ALDH1A2: variants seen among roughly 807,000 people sequenced by gnomAD.
ALDH1A2 encodes the protein retinal dehydrogenase 2.
Under a neutral mutation model 60.3 loss-of-function variants are expected in ALDH1A2, and 27 were observed. The ratio of observed to expected loss-of-function variants is 0.45; its 90% CI spans 0.33 to 0.62. The LOEUF (loss-of-function observed/expected upper bound fraction) is 0.62, where lower values mean the gene tolerates loss of function less well. Among genes scored for constraint, ALDH1A2 ranks in the 20% least tolerant of loss-of-function variants. The pLI, the probability that ALDH1A2 is intolerant of heterozygous loss-of-function variation, is 0.02. For missense variants in ALDH1A2, 581 were observed against 643.8 expected (o/e 0.90, Z 1.06); for synonymous variants, 289 against 232.4 (o/e 1.24, Z -2.21).
intron 1 of ALDH1A2, among the ~76,000 whole-genome samples, chr15:58,026,250 C>T (rs1436494509): frequency 3.9e-5 from 6 of 152,106 alleles, no homozygotes; most frequent in African/African-American, 1.4e-4. Context: ...AGGATTTTTA[C>T]CAGGAATGCA....
chr15:58,065,347 C>G, intron 1 of ALDH1A2, 187 bp downstream of exon 1: 1 of 676,144 alleles, frequency 1.5e-6, no homozygotes. Flanking sequence ...CGTCCTCAGA[C>G]CACGGCGGGG....
In ALDH1A2 at chr15:58,033,682, C is replaced by CT. The variant is rs5812918; in HGVS notation, c.118-19402dup. Among the ~76,000 whole-genome samples, 638 of 134,506 alleles carry CT rather than the reference C, an allele frequency of 4.7e-3. 1 individual carries two copies. The highest frequency in any genetic ancestry group is 9.6e-3 in the African/African-American group (353 of 36,786). The allele number at this position is 134,506 out of a possible 152,430, so 88.2% of individuals were successfully genotyped here. A position where few individuals can be genotyped will look rare whatever the true frequency, so the allele number is the denominator to read the frequency against. ...AAGTTGTAAGTTCAGTGTTAGGACT[C>CT]TTTTTTTTTTTTTTTTTACATGTGA... is the stretch of plus-strand genomic sequence containing the variant. On this transcript the variant is annotated intron_variant, in intron 1 of 12. Transcript: ENST00000249750.
intron 7 of ALDH1A2, among the ~76,000 whole-genome samples, chr15:57,968,290 T>C (rs1467085831): frequency 6.6e-6 from 1 of 152,178 alleles, no homozygotes; most frequent in Non-Finnish European, 1.5e-5. Context: ...CATTTAAGCC[T>C]CTCAAAAAAC....
Position 58,014,018 on chromosome 15 carries a change from A to T in ALDH1A2, c.223-20T>A, listed in dbSNP as rs1442932297. ...ATCTGCCTGTTAGAGAGGAAGAGGC[A>T]CAACTGAAGAAAAACACTCCAAATA... On this transcript the variant is annotated intron_variant, in intron 2 of 12. Transcript: ENST00000249750. 5.0e-6 allele frequency: 8 copies of T among 1,614,150 alleles called. No individual in the cohort carries two copies. Among genetic ancestry groups the T allele is most frequent in the Non-Finnish European group, 6.8e-6 (8 of 1,179,986 alleles).
chr15:57,994,670 AGAAAC>A (rs753815798), intron 5 of ALDH1A2, among the ~76,000 whole-genome samples: 4 of 152,212 alleles, frequency 2.6e-5, no homozygotes, highest in Non-Finnish European at 5.9e-5. Flanking sequence ...TCTTGAGAAA[AGAAAC>A]AGTGGGAAAG....
chr15:57,982,390 A>T (rs1198997413), intron 7 of ALDH1A2, among the ~76,000 whole-genome samples: 3 of 152,220 alleles, frequency 2.0e-5, no homozygotes, highest in Non-Finnish European at 4.4e-5. Context: ...TATGTTCAAA[A>T]CTTACTGAAA....
At chr15:57,964,607 G>A (rs1347950142) in intron 8 of ALDH1A2, 3 of 156,592 alleles carry the variant, frequency 1.9e-5, no homozygotes, top group African/African-American at 7.2e-5. Context: ...AGGGCCTTGG[G>A]GCTGTATGTT....
Position 57,961,124 on chromosome 15 carries a change from ACT to A in ALDH1A2, c.1409+11_1409+12del, listed in dbSNP as rs771786299. On this transcript the variant is annotated intron_variant, in intron 11 of 12. Coordinates refer to ENST00000249750, the MANE Select transcript of ALDH1A2 (RefSeq NM_003888.4). ...ACCAGTGGAATTTGTTACAAGACTG[ACT>A]CTGATCTTACCAAACAGTCCCAGCT... is the stretch of plus-strand genomic sequence containing the variant. 16 of 1,613,708 alleles carry A rather than the reference ACT, an allele frequency of 9.9e-6. No homozygotes were observed. In the African/African-American group the frequency reaches 1.1e-4, roughly 11 times the overall value.
At chr15:57,989,788 C>T (rs1489777124) in intron 7 of ALDH1A2, among the ~76,000 whole-genome samples, 1 of 152,030 alleles carries the variant, frequency 6.6e-6, no homozygotes, top group South Asian at 2.1e-4. Flanking sequence ...AAACAAACAA[C>T]CCTCACCTTT....
chr15:57,976,711 G>T (rs1421070756), intron 7 of ALDH1A2, among the ~76,000 whole-genome samples: 2 of 152,178 alleles, frequency 1.3e-5, no homozygotes, highest in African/African-American at 4.8e-5. Flanking sequence ...TGTGAATAGT[G>T]CTGCAATAAA....
Position 58,029,245 on chromosome 15 carries a change from CA to C in ALDH1A2, c.118-14965del, listed in dbSNP as rs1225057593. ...TAGAACTCAGGGTAAGAAACTCACT[CA>C]AAACCGCATAACTACATGGAAACTG... On this transcript the variant is annotated intron_variant, in intron 1 of 12. Coordinates refer to ENST00000249750, the MANE Select transcript of ALDH1A2 (RefSeq NM_003888.4). Among the ~76,000 whole-genome samples, 4 of 152,164 alleles carry C rather than the reference CA, an allele frequency of 2.6e-5. No homozygotes were observed. In the East Asian group the frequency reaches 7.7e-4, roughly 29 times the overall value.
intron 1 of ALDH1A2, chr15:58,058,132 G>T (rs1248784768): frequency 9.7e-6 from 14 of 1,442,938 alleles, no homozygotes; most frequent in Non-Finnish European, 1.2e-5. Flanking sequence ...ACTTTCAGTT[G>T]TTCTCCATAA....
intron 7 of ALDH1A2, among the ~76,000 whole-genome samples, chr15:57,987,393 ACT>A (rs1284970389): frequency 3.9e-5 from 6 of 152,230 alleles, no homozygotes; most frequent in African/African-American, 1.2e-4. Context: ...ACAAAAAGAA[ACT>A]CTCTCAAAAG....
At chr15:57,974,044 T>TA (rs1245321407) in intron 7 of ALDH1A2, among the ~76,000 whole-genome samples, 6 of 152,110 alleles carry the variant, frequency 3.9e-5, no homozygotes, top group Non-Finnish European at 8.8e-5. Context: ...TTTGTGAAGA[T>TA]AAAAAAATTC....
Position 58,065,621 on chromosome 15 carries a change from G to C in ALDH1A2, c.30C>G (p.Gly10=), listed in dbSNP as rs752225219. MTSSKIEMP[G]EVKADPAALM... ...GGGCGGCGGGGTCGGCCTTCACCTC[G>C]CCGGGCATCTCTATCTTGCTGGAAG... The change falls in exon 1 of 13, where the codon GGC becomes GGG. Residue 10 remains glycine (G), a synonymous_variant. Transcript: ENST00000249750. 3.7e-6 allele frequency: 6 copies of C among 1,607,024 alleles called. No individual in the cohort carries two copies. Among genetic ancestry groups the C allele is most frequent in the African/African-American group, 2.7e-5 (2 of 74,930 alleles).
intron 3 of ALDH1A2, chr15:58,012,267 T>C (rs1487014710): frequency 1.3e-5 from 2 of 152,198 alleles, no homozygotes; most frequent in African/African-American, 4.8e-5. Context: ...GCTATAGATA[T>C]CATATATCTT....
At chr15:57,958,953 A>C (rs1893632268) in intron 12 of ALDH1A2, among the ~76,000 whole-genome samples, 1 of 152,172 alleles carries the variant, frequency 6.6e-6, no homozygotes, top group South Asian at 2.1e-4. Flanking sequence ...GTAGAGAGAA[A>C]TGGTTCTTCG....
chr15:57,979,178 T>C (rs1595632507), intron 7 of ALDH1A2, among the ~76,000 whole-genome samples: 1 of 152,086 alleles, frequency 6.6e-6, no homozygotes, highest in South Asian at 2.1e-4. Flanking sequence ...CCTAGGGAAA[T>C]CCAGCCACTT....
chr15:57,978,134 G>A (rs1186856848), intron 7 of ALDH1A2, among the ~76,000 whole-genome samples: 1 of 152,188 alleles, frequency 6.6e-6, no homozygotes, highest in Admixed American at 6.5e-5. Context: ...CATGTCATCT[G>A]CAAACAGAGA....
Sources: gnomAD v4.1 joint callset for allele counts (sites outside exome capture counted in the v4.1 genomes callset) on GRCh38, gnomAD v4.1.1 for gene constraint, MANE v1.5 for transcripts, NCBI Gene and HGNC (gene_info 2026-07-23, HGNC 2026-07-21) for gene names.